Variants in AUTS2 observed in about 807,000 individuals in gnomAD.
AUTS2 encodes activator of transcription and developmental regulator AUTS2.
AUTS2 carries 17 observed loss-of-function variants against 112.4 expected under a neutral mutation model. The observed-to-expected ratio is 0.15, with a 90% CI of 0.10 to 0.23. The LOEUF (loss-of-function observed/expected upper bound fraction) is 0.23. AUTS2 is among the 10% of genes least tolerant of loss of function. The probability of loss-of-function intolerance (pLI) is 1.00; values close to 1 mark genes in which losing one functional copy is unlikely to be tolerated. For synonymous variants in AUTS2, 751 were observed against 702.7 expected, an observed-to-expected ratio of 1.07 and a Z score of -1.09; for missense variants, 1,510 against 1,701.6, an observed-to-expected ratio of 0.89 and a Z score of 1.98.
intron 1 of AUTS2, among the ~76,000 whole-genome samples, chr7:69,772,923 A>T (rs1043333898): frequency 6.6e-6 from 1 of 152,162 alleles, no homozygotes; most frequent in Non-Finnish European, 1.5e-5. Context: ...TTTATTTATT[A>T]CTGTAGGATA....
chr7:70,468,464 A>T (rs145716076), intron 5 of AUTS2, among the ~76,000 whole-genome samples: 1 of 152,294 alleles, frequency 6.6e-6, no homozygotes, highest in Non-Finnish European at 1.5e-5. Flanking sequence ...TGCCTTGAAG[A>T]TTTAAATGAG....
At chr7:69,716,854 A>G (rs1327977205) in intron 1 of AUTS2, among the ~76,000 whole-genome samples, 1 of 152,152 alleles carries the variant, frequency 6.6e-6, no homozygotes, top group Non-Finnish European at 1.5e-5. Context: ...TTGCCCACTT[A>G]TTATTAAGAA....
rs1204367507 is a variant in AUTS2, at chr7:69,598,688, G to C, written c.-966G>C. Reference sequence around the variant, plus strand: ...TCTCTCCCGCTGGAGATTTCTTTCTGCTTTCCTCATCGACTGACTGACTCA... The same window carrying C: ...TCTCTCCCGCTGGAGATTTCTTTCTCCTTTCCTCATCGACTGACTGACTCA... On this transcript the variant is annotated 5_prime_UTR_variant, in exon 1 of 19. Transcript: ENST00000342771. 6.4e-6 allele frequency: 1 copy of C among 157,382 alleles called. No homozygotes were observed. Among genetic ancestry groups the C allele is most frequent in the East Asian group, 1.9e-4 (1 of 5,322 alleles). 9.7% of individuals were successfully genotyped at this position (157,382 alleles called of 1,614,324 possible).
intron 5 of AUTS2, among the ~76,000 whole-genome samples, chr7:70,559,406 C>G (rs942450388): frequency 3.3e-5 from 5 of 151,658 alleles, no homozygotes; most frequent in African/African-American, 1.2e-4. Flanking sequence ...GTGACCTCAG[C>G]TCACTGCAAC....
chr7:70,093,341 T>C (rs1562685407), intron 2 of AUTS2, among the ~76,000 whole-genome samples: 1 of 152,068 alleles, frequency 6.6e-6, no homozygotes, highest in African/African-American at 2.4e-5. Flanking sequence ...TACAAATGAG[T>C]TGTTAAATAA....
chr7:70,677,686 G>T (rs1040728457), intron 5 of AUTS2, among the ~76,000 whole-genome samples: 2 of 151,976 alleles, frequency 1.3e-5, no homozygotes, highest in Non-Finnish European at 2.9e-5. Context: ...GCCTCCCAAG[G>T]TTCTGGGATT....
chr7:69,803,680 T>C (rs529873426), intron 1 of AUTS2, among the ~76,000 whole-genome samples: 9 of 152,350 alleles, frequency 5.9e-5, no homozygotes, highest in African/African-American at 1.4e-4. Context: ...GGGAGGCCTC[T>C]AACAGTGGCA....
intron 1 of AUTS2, among the ~76,000 whole-genome samples, chr7:69,670,530 C>T (rs529449754): frequency 8.7e-6 from 1 of 115,450 alleles, no homozygotes; most frequent in Non-Finnish European, 1.7e-5. Flanking sequence ...CCATTAGTAA[C>T]ATGGTTGTTT....
At chr7:70,408,894 G>A (rs1794656648) in intron 4 of AUTS2, among the ~76,000 whole-genome samples, 2 of 152,196 alleles carry the variant, frequency 1.3e-5, no homozygotes, top group Non-Finnish European at 2.9e-5. Flanking sequence ...ACAAGCATAT[G>A]AATTAGCAGT....
intron 1 of AUTS2, among the ~76,000 whole-genome samples, chr7:69,636,515 A>T (rs1179365866): frequency 9.8e-6 from 1 of 101,586 alleles, no homozygotes; most frequent in Non-Finnish European, 1.9e-5. Flanking sequence ...AAGTGCTAGG[A>T]TTACAGGTGT....
chr7:70,728,707 C>CA (rs55878540), intron 6 of AUTS2, among the ~76,000 whole-genome samples: 2,457 of 81,098 alleles, frequency 0.03, 74 homozygotes, highest in East Asian at 0.1. Flanking sequence ...GACTCTGTCT[C>CA]AAAAAAAAAA....
intron 5 of AUTS2, among the ~76,000 whole-genome samples, chr7:70,636,720 T>C (rs1805552847): frequency 6.6e-6 from 1 of 151,696 alleles, no homozygotes; most frequent in Non-Finnish European, 1.5e-5. Flanking sequence ...GATCATAGCT[T>C]ACTGCAGCCT....
chr7:70,250,434 C>T (rs1786533064), intron 4 of AUTS2, among the ~76,000 whole-genome samples: 1 of 152,182 alleles, frequency 6.6e-6, no homozygotes. Context: ...AGGTCTGCCA[C>T]CCACCTCCAT....
intron 5 of AUTS2, among the ~76,000 whole-genome samples, chr7:70,566,374 T>A (rs1292924836): frequency 6.6e-6 from 1 of 152,224 alleles, no homozygotes; most frequent in Non-Finnish European, 1.5e-5. Context: ...TGGGAACTTA[T>A]TTCCTTGAAA....
chr7:70,367,680 A>G (rs746223122), intron 4 of AUTS2, among the ~76,000 whole-genome samples: 2 of 152,210 alleles, frequency 1.3e-5, no homozygotes, highest in Admixed American at 6.5e-5. Context: ...CATCAAAGGA[A>G]GCAGTCAGAG....
chr7:69,813,525 T>C (rs535215594), intron 1 of AUTS2, among the ~76,000 whole-genome samples: 1 of 152,314 alleles, frequency 6.6e-6, no homozygotes, highest in East Asian at 1.9e-4. Flanking sequence ...AAGCCTAGGT[T>C]TCTCTACTAG....
chr7:70,330,304 A>G (rs1269769984), intron 4 of AUTS2, among the ~76,000 whole-genome samples: 1 of 152,156 alleles, frequency 6.6e-6, no homozygotes, highest in Non-Finnish European at 1.5e-5. Context: ...ATTTTTGTAC[A>G]TGGTATGAGG....
intron 1 of AUTS2, among the ~76,000 whole-genome samples, chr7:69,805,366 G>T (rs1222055200): frequency 6.6e-6 from 1 of 152,184 alleles, no homozygotes; most frequent in African/African-American, 2.4e-5. Context: ...TGCCATGGGG[G>T]AGGATAGTCA....
At chr7:70,756,262 A>C (rs1363759602) in intron 6 of AUTS2, among the ~76,000 whole-genome samples, 1 of 152,188 alleles carries the variant, frequency 6.6e-6, no homozygotes, top group Non-Finnish European at 1.5e-5. Flanking sequence ...ATATTGATTG[A>C]TTACTTACTT....
Sources: allele counts gnomAD v4.1 joint callset (sites outside exome capture counted in the v4.1 genomes callset), GRCh38; gene constraint gnomAD v4.1.1; transcripts MANE v1.5; gene names NCBI Gene and HGNC (gene_info 2026-07-23, HGNC 2026-07-21).